Variants in DLX5 observed in about 807,000 individuals in gnomAD.
The protein encoded by DLX5 is distal-less homeobox 5, also known as homeobox protein DLX-5.
DLX5 carries 8 observed loss-of-function variants against 27.1 expected under a neutral mutation model. That is an observed-to-expected ratio of 0.30 (90% CI 0.17 to 0.53). The LOEUF (loss-of-function observed/expected upper bound fraction) is 0.53. Among genes scored for constraint, DLX5 ranks in the 20% least tolerant of loss-of-function variants. DLX5 has a pLI of 0.95. For synonymous variants in DLX5, 178 were observed against 161.9 expected (o/e 1.10, Z -0.75); for missense variants, 339 against 375.1 (o/e 0.90, Z 0.80).
At chr7:97,023,703 A>G (rs1040210710) in intron 1 of DLX5, among the ~76,000 whole-genome samples, 3 of 151,988 alleles carry the variant, frequency 2.0e-5, no homozygotes, top group African/African-American at 4.8e-5. Context: ...GTTTTTGGAA[A>G]TGCCTGGATA....
chr7:97,022,463 C>T, intron 1 of DLX5, 94 bp from the exon 2 acceptor site: 1 of 1,566,466 alleles, frequency 6.4e-7, no homozygotes. Context: ...TTTCTTACCA[C>T]TCAGTCTTCA....
rs574872037 is a variant in DLX5 at position 97,020,480 on chromosome 7, T to C, written c.*256A>G. ...ACTTATTTACATGGCTAAAATAACATTGAAAAAAGTCTTTTGAAAAGTTGA... is the reference window on the plus strand; with the variant it reads ...ACTTATTTACATGGCTAAAATAACACTGAAAAAAGTCTTTTGAAAAGTTGA... On this transcript the variant is annotated 3_prime_UTR_variant, in exon 3 of 3. Coordinates refer to ENST00000648378, the MANE Select transcript of DLX5 (RefSeq NM_005221.6). 2.2e-5 allele frequency: 8 copies of C among 356,020 alleles called. No homozygotes were observed. Among genetic ancestry groups the C allele is most frequent in the African/African-American group, 1.0e-4 (5 of 48,532 alleles). The allele number at this position is 356,020 out of a possible 1,614,324, so 22.1% of individuals were successfully genotyped here.
chr7:97,024,566 G>A lies in DLX5; in HGVS notation c.58C>T (p.Pro20Ser). ...PSIRSGDFQAPFQTSAAMHHP... is the reference protein window; with the variant it reads ...PSIRSGDFQASFQTSAAMHHP... Reference sequence around the variant, plus strand: ...TGCATAGCTGCGGACGTCTGGAACGGAGCTTGGAAGTCGCCGGATCGGATG... The same window carrying A: ...TGCATAGCTGCGGACGTCTGGAACGAAGCTTGGAAGTCGCCGGATCGGATG... The change falls in exon 1 of 3, where the codon CCG becomes TCG. Residue 20 changes from proline (P) to serine (S), a missense_variant. Pro to Ser is a moderately conservative substitution (Grantham distance 74). Transcript: ENST00000648378. This position sits in a 1 kb window ranked among gnomAD's most constrained non-coding sequence, Gnocchi z 4.6. 6.2e-7 allele frequency: 1 copy of A among 1,610,684 alleles called. No individual in the cohort carries two copies. The highest frequency in any genetic ancestry group is 8.5e-7 in the Non-Finnish European group (1 of 1,177,076).
In DLX5 at chr7:97,020,904, G is replaced by T. The variant is rs35273378; in HGVS notation, c.702C>A (p.Ser234Arg). 0.011 allele frequency: 18,448 copies of T among 1,614,188 alleles called. 126 individuals are homozygous for T. The highest frequency in any genetic ancestry group is 0.013 in the Non-Finnish European group (15,028 of 1,180,042). The change falls in exon 3 of 3, where the codon AGC becomes AGA. Residue 234 changes from serine (S) to arginine (R), a missense_variant. Ser to Arg is a moderately radical substitution (Grantham distance 110). Around this residue, in one of 3 missense-constraint regions of DLX5, gnomAD observed 136 missense variants for 130.3 expected, o/e 1.04. Transcript: ENST00000648378. ...TCGGAGGGTGGGCATGAGGGTGGTG[G>T]CTGAGCGAGCGGGACGAGCCCTGGG... ...WEPQGSSRSL[S>R]HHPHAHPPTS...
In DLX5 at chr7:97,024,771, C is replaced by T. The variant is rs1215105135; in HGVS notation, c.-148G>A. On this transcript the variant is annotated 5_prime_UTR_variant, in exon 1 of 3. Transcript: ENST00000648378. This position sits in a 1 kb window ranked among gnomAD's most constrained non-coding sequence, Gnocchi z 4.6. Reference sequence around the variant, plus strand: ...GGAGGAGGAGAGAAGGAGGAGGCGGCGGCCGCGGCGAGGAGGAGACTGGGA... The same window carrying T: ...GGAGGAGGAGAGAAGGAGGAGGCGGTGGCCGCGGCGAGGAGGAGACTGGGA... 14 of 691,578 alleles carry T rather than the reference C, an allele frequency of 2.0e-5. No homozygotes were observed. Among genetic ancestry groups the T allele is most frequent in the Non-Finnish European group, 3.3e-5 (14 of 422,966 alleles). The allele number at this position is 691,578 out of a possible 1,614,324, so 42.8% of individuals were successfully genotyped here.
At position 97,022,056 on chromosome 7, in the gene DLX5, G is replaced by A. The variant is rs1238166552; in HGVS notation, c.540+129C>T. 1.1e-4 allele frequency: 115 copies of A among 1,094,384 alleles called. 1 individual carries two copies. Among genetic ancestry groups the A allele is most frequent in the Non-Finnish European group, 6.9e-6 (5 of 727,358 alleles). 67.8% of individuals were successfully genotyped at this position (1,094,384 alleles called of 1,614,324 possible). A position where few individuals can be genotyped will look rare whatever the true frequency, so the allele number is the denominator to read the frequency against. On this transcript the variant is annotated intron_variant, in intron 2 of 2. Coordinates refer to ENST00000648378, the MANE Select transcript of DLX5 (RefSeq NM_005221.6). Reference sequence around the variant, plus strand: ...CTCACCGAGTTAAAGCATAGGGGCTGATGTCTTTGGGTCTGTTAGTTTCTC... The same window carrying A: ...CTCACCGAGTTAAAGCATAGGGGCTAATGTCTTTGGGTCTGTTAGTTTCTC...
intron 1 of DLX5, 107 bp from the exon 2 acceptor site, chr7:97,022,476 C>A (rs1790090313): frequency 6.5e-7 from 1 of 1,542,780 alleles, no homozygotes; most frequent in East Asian, 2.3e-5. Flanking sequence ...AGTCTTCATT[C>A]TTTGCCCATA....
Position 97,020,786 on chromosome 7 carries a change from G to C in DLX5, c.820C>G (p.Pro274Ala), listed in dbSNP as rs199678276. ...GCCAGCGGGTGCTGTAAGGAGCCCG[G>C]CGGCGGCAGGTGGGAATTGATTGAG... ...ASSINSHLPPPGSLQHPLALA... is the reference protein window; with the variant it reads ...ASSINSHLPPAGSLQHPLALA... Residue 274 changes from proline to alanine, a missense_variant, in exon 3 of 3, where the codon CCG (proline) becomes GCG (alanine). By Grantham distance (27) the Pro-to-Ala change is conservative. This residue lies in a region of DLX5 where 136 missense variants were observed against 130.3 expected (regional missense o/e 1.04). Coordinates refer to ENST00000648378, the MANE Select transcript of DLX5 (RefSeq NM_005221.6). 52 of 1,610,990 alleles carry C rather than the reference G, an allele frequency of 3.2e-5. 1 individual carries two copies. In the East Asian group the frequency reaches 8.7e-4, roughly 27 times the overall value.
intron 2 of DLX5, chr7:97,021,905 C>T: frequency 1.7e-6 from 1 of 600,704 alleles, no homozygotes; most frequent in South Asian, 2.0e-5. Flanking sequence ...CCTCCGCTTG[C>T]TTTCAACCCG....
Position 97,020,634 on chromosome 7 carries a change from T to C in DLX5, c.*102A>G. 1 of 1,202,354 alleles carries C rather than the reference T, an allele frequency of 8.3e-7. No homozygotes were observed. The highest frequency in any genetic ancestry group is 1.1e-6 in the Non-Finnish European group (1 of 892,872). The allele number at this position is 1,202,354 out of a possible 1,614,324, so 74.5% of individuals were successfully genotyped here. ...AAAAAAGCTTTACACATGAATCTTT[T>C]TCAGTTTTCCGAACTTCCCCATATG... On this transcript the variant is annotated 3_prime_UTR_variant, in exon 3 of 3. Transcript: ENST00000648378.
At chr7:97,023,023 C>CAAAAAAAAAAAAAAAA in intron 1 of DLX5, among the ~76,000 whole-genome samples, 1 of 105,016 alleles carries the variant, frequency 9.5e-6, no homozygotes, top group Non-Finnish European at 2.0e-5. Context: ...ATGTTCTTGG[C>CAAAAAAAAAAAAAAAA]AAAAAAAAAA....
Position 97,020,763 on chromosome 7 carries a change from C to T in DLX5, c.843G>A (p.Leu281=). The T allele has an allele frequency of 6.2e-7, 1 of 1,602,356 alleles. No homozygotes were observed. The highest frequency in any genetic ancestry group is 8.5e-7 in the Non-Finnish European group (1 of 1,171,810). ...LPPPGSLQHP[L]ALASGTLY ...AATAGAGTGTCCCGGAGGCCAGCGC[C>T]AGCGGGTGCTGTAAGGAGCCCGGCG... is the stretch of plus-strand genomic sequence containing the variant. The change falls in exon 3 of 3, where the codon CTG becomes CTA. Residue 281 remains leucine (L), a synonymous_variant. Transcript: ENST00000648378.
chr7:97,022,853 T>C (rs1790100240), intron 1 of DLX5, among the ~76,000 whole-genome samples: 1 of 151,672 alleles, frequency 6.6e-6, no homozygotes, highest in African/African-American at 2.4e-5. Flanking sequence ...CTAACCGAGG[T>C]CTCCAAAGTT....
intron 1 of DLX5, among the ~76,000 whole-genome samples, chr7:97,023,750 C>G (rs35953724): frequency 3.9e-5 from 6 of 152,068 alleles, no homozygotes; most frequent in African/African-American, 1.4e-4. Context: ...CTCTGGCTGG[C>G]TACAACTCCT....
chr7:97,023,687 C>G (rs944500983), intron 1 of DLX5, among the ~76,000 whole-genome samples: 4 of 152,056 alleles, frequency 2.6e-5, no homozygotes, highest in Non-Finnish European at 5.9e-5. Flanking sequence ...CTTTAAATGG[C>G]TTTTTGTTTT....
At chr7:97,023,339 T>G (rs1256176806) in intron 1 of DLX5, among the ~76,000 whole-genome samples, 4 of 19,228 alleles carry the variant, frequency 2.1e-4, no homozygotes, top group African/African-American at 7.3e-4. Flanking sequence ...CTCTCCAGGG[T>G]GTGTGTGTGT....
Position 97,022,172 on chromosome 7 carries a change from G to T in DLX5, c.540+13C>A. On this transcript the variant is annotated intron_variant, in intron 2 of 2. Coordinates refer to ENST00000648378, the MANE Select transcript of DLX5 (RefSeq NM_005221.6). The stretch of plus-strand genomic sequence containing the variant: ...GCTCAGGCAGGTCTAGTGCATGGCA[G>T]CGCCGTATTTACCTGTGTTTGTGTC... 6.2e-7 allele frequency: 1 copy of T among 1,613,912 alleles called. No individual in the cohort carries two copies.
chr7:97,021,975 G>C, intron 2 of DLX5: 1 of 634,550 alleles, frequency 1.6e-6, no homozygotes, highest in Non-Finnish European at 2.7e-6. Context: ...GGCGCGGTTA[G>C]TGGGAGGTAT....
intron 2 of DLX5, 36 bp downstream of exon 2, chr7:97,022,149 T>C: frequency 1.2e-6 from 2 of 1,612,494 alleles, no homozygotes; most frequent in East Asian, 4.5e-5. Context: ...GACGTGCAGC[T>C]CAGGCAGGTC....
Sources: allele counts gnomAD v4.1 joint callset (sites outside exome capture counted in the v4.1 genomes callset), GRCh38; gene constraint gnomAD v4.1.1; regional missense constraint gnomAD v4.1.1; non-coding constraint Gnocchi (gnomAD v3.1); transcripts MANE v1.5; gene names NCBI Gene and HGNC (gene_info 2026-07-23, HGNC 2026-07-21).